The following FAM185A variants were observed in gnomAD, a reference collection of about 807,000 sequenced individuals.
FAM185A encodes the protein family with sequence similarity 185 member A, also known as protein FAM185A.
Under a neutral mutation model 45.7 loss-of-function variants are expected in FAM185A, and 21 were observed. That is an observed-to-expected ratio of 0.46 (90% CI 0.33 to 0.66). FAM185A has a LOEUF of 0.66. Ranked by LOEUF, FAM185A falls within the 30% of genes least tolerant of loss-of-function variation. The pLI, the probability that FAM185A is intolerant of heterozygous loss-of-function variation, is 0.03. For synonymous variants in FAM185A, 117 were observed against 194.0 expected (o/e 0.60, Z 3.30); for missense variants, 305 against 485.4 (o/e 0.63, Z 3.49).
intron 7 of FAM185A, among the ~76,000 whole-genome samples, chr7:102,793,284 T>C (rs1796247536): frequency 1.3e-5 from 2 of 152,174 alleles, no homozygotes; most frequent in South Asian, 2.1e-4. Flanking sequence ...CCATCTCGGC[T>C]CACTGCAACC....
chr7:102,820,263 C>T, the FAM185A span, among the ~76,000 whole-genome samples: 1 of 152,224 alleles, frequency 6.6e-6, no homozygotes, highest in Non-Finnish European at 1.5e-5. Flanking sequence ...CAGCCCCTTT[C>T]TAAGCATTAG....
At chr7:102,788,698 T>C (rs867122346) in intron 7 of FAM185A, among the ~76,000 whole-genome samples, 1 of 152,206 alleles carries the variant, frequency 6.6e-6, no homozygotes, top group Non-Finnish European at 1.5e-5. Flanking sequence ...AAATGTGTTA[T>C]TAGGCAATTT....
the FAM185A span, among the ~76,000 whole-genome samples, chr7:102,844,163 A>T: frequency 3.3e-5 from 5 of 152,260 alleles, no homozygotes; most frequent in Admixed American, 2.6e-4. Context: ...TTTAAAAAGC[A>T]GATGAACTGT....
intron 7 of FAM185A, among the ~76,000 whole-genome samples, chr7:102,797,882 G>C (rs1199986119): frequency 1.3e-5 from 2 of 152,176 alleles, no homozygotes; most frequent in Non-Finnish European, 2.9e-5. Context: ...GTGGGAGTGG[G>C]GAGGGAGGCA....
intron 7 of FAM185A, among the ~76,000 whole-genome samples, chr7:102,807,055 T>C (rs2129444108): frequency 6.6e-6 from 1 of 152,238 alleles, no homozygotes; most frequent in Non-Finnish European, 1.5e-5. Context: ...ATAATTACGC[T>C]GAATGAAAGA....
intron 5 of FAM185A, among the ~76,000 whole-genome samples, chr7:102,775,085 A>G (rs1173220167): frequency 2.6e-5 from 4 of 152,178 alleles, no homozygotes; most frequent in Non-Finnish European, 4.4e-5. Flanking sequence ...TATACATGCA[A>G]TATAATGATT....
the FAM185A span, among the ~76,000 whole-genome samples, chr7:102,845,019 C>T: frequency 2.0e-5 from 3 of 152,158 alleles, no homozygotes; most frequent in Admixed American, 6.5e-5. Flanking sequence ...AGTTGGAGTG[C>T]ACCCCTCTCC....
chr7:102,836,122 C>A, the FAM185A span, among the ~76,000 whole-genome samples: 1 of 152,214 alleles, frequency 6.6e-6, no homozygotes, highest in African/African-American at 2.4e-5. Flanking sequence ...CTGCTCGAAT[C>A]AAATCTGCCT....
intron 4 of FAM185A, among the ~76,000 whole-genome samples, chr7:102,769,258 A>G (rs1337978358): frequency 6.6e-6 from 1 of 151,910 alleles, no homozygotes; most frequent in East Asian, 1.9e-4. Context: ...GAACTCAAAC[A>G]TTCAAGAAGA....
At chr7:102,793,009 C>T (rs1796224718) in intron 7 of FAM185A, among the ~76,000 whole-genome samples, 1 of 152,140 alleles carries the variant, frequency 6.6e-6, no homozygotes. Flanking sequence ...TTTTAGAACC[C>T]ACTAAAGTTT....
At chr7:102,841,922 C>T in the FAM185A span, among the ~76,000 whole-genome samples, 14 of 152,262 alleles carry the variant, frequency 9.2e-5, no homozygotes, top group East Asian at 2.7e-3. Flanking sequence ...GGGTTGCTTT[C>T]TCCACAAGCT....
downstream of FAM185A, among the ~76,000 whole-genome samples, chr7:102,814,010 G>C (rs1364030115): frequency 6.6e-6 from 1 of 151,976 alleles, no homozygotes. Flanking sequence ...ATGCAGTTTT[G>C]TCTATAATAC....
At chr7:102,779,137 TG>T (rs1795254383) in intron 6 of FAM185A, among the ~76,000 whole-genome samples, 1 of 152,182 alleles carries the variant, frequency 6.6e-6, no homozygotes, top group Non-Finnish European at 1.5e-5. Flanking sequence ...CTTCAATAAA[TG>T]ATGCTGTTAG....
the FAM185A span, among the ~76,000 whole-genome samples, chr7:102,817,838 C>CT: frequency 6.6e-6 from 1 of 152,150 alleles, no homozygotes; most frequent in South Asian, 2.1e-4. Context: ...GCCTAAGTGA[C>CT]TGTGAGACCC....
intron 5 of FAM185A, among the ~76,000 whole-genome samples, chr7:102,776,014 C>A (rs1402308973): frequency 6.6e-6 from 1 of 151,692 alleles, no homozygotes; most frequent in Non-Finnish European, 1.5e-5. Context: ...GATCTTGGAG[C>A]CGCATTTTAA....
At chr7:102,803,939 CA>C (rs896380094) in intron 7 of FAM185A, among the ~76,000 whole-genome samples, 28 of 148,978 alleles carry the variant, frequency 1.9e-4, no homozygotes, top group East Asian at 1.9e-4. Context: ...ACAATAGCTG[CA>C]AAAAAAAATG....
intron 7 of FAM185A, among the ~76,000 whole-genome samples, chr7:102,803,093 AC>A (rs200821850): frequency 0.028 from 4,241 of 152,216 alleles, 90 homozygotes; most frequent in Non-Finnish European, 0.037. Context: ...GCAGAATTCT[AC>A]CAGACATTCA....
At chr7:102,794,537 C>G (rs1796331750) in intron 7 of FAM185A, among the ~76,000 whole-genome samples, 1 of 152,058 alleles carries the variant, frequency 6.6e-6, no homozygotes, top group African/African-American at 2.4e-5. Context: ...GAAACTGGAT[C>G]TCTTCTACAT....
downstream of FAM185A, among the ~76,000 whole-genome samples, chr7:102,814,178 A>G (rs966117683): frequency 6.6e-6 from 1 of 152,210 alleles, no homozygotes; most frequent in African/African-American, 2.4e-5. Flanking sequence ...TTTTGAGGAC[A>G]GAAGGAAGAA....
Sources: gnomAD v4.1 joint callset for allele counts (sites outside exome capture counted in the v4.1 genomes callset) on GRCh38, gnomAD v4.1.1 for gene constraint, MANE v1.5 for transcripts, NCBI Gene and HGNC (gene_info 2026-07-23, HGNC 2026-07-21) for gene names.